The following PAX5 variants were observed in gnomAD, a reference collection of about 807,000 sequenced individuals.
PAX5 encodes paired box 5.
In PAX5, 9 loss-of-function variants were observed where a neutral mutation model predicts 43.7. The observed-to-expected ratio is 0.21, with a 90% CI of 0.12 to 0.36. PAX5 has a LOEUF of 0.36. PAX5 is among the 10% of genes least tolerant of loss of function. PAX5 has a pLI of 1.00. For missense variants in PAX5, 383 were observed against 532.7 expected, an observed-to-expected ratio of 0.72 and a Z score of 2.77; for synonymous variants, 228 against 214.3, an observed-to-expected ratio of 1.06 and a Z score of -0.56.
chr9:36,943,529 T>TTCACACACACACACACACACACACAC (rs35815065), intron 6 of PAX5, among the ~76,000 whole-genome samples: 1 of 145,910 alleles, frequency 6.9e-6, no homozygotes, highest in Non-Finnish European at 1.5e-5. Context: ...TAGTTCAACA[T>TTCACACACACACACACACACACACAC]ACACACACAC....
At chr9:36,867,459 C>T (rs1373422964) in intron 8 of PAX5, among the ~76,000 whole-genome samples, 1 of 152,162 alleles carries the variant, frequency 6.6e-6, no homozygotes, top group Non-Finnish European at 1.5e-5. Flanking sequence ...CAGTTTTCAC[C>T]TCTGTAAAAG....
At chr9:36,887,403 CT>C (rs1016486594) in intron 7 of PAX5, among the ~76,000 whole-genome samples, 5 of 152,108 alleles carry the variant, frequency 3.3e-5, no homozygotes, top group African/African-American at 1.2e-4. Flanking sequence ...CAAATATGGA[CT>C]TTTTATAAAT....
chr9:36,924,833 GAGAGAA>G (rs749072271), intron 6 of PAX5, among the ~76,000 whole-genome samples: 7 of 111,602 alleles, frequency 6.3e-5, no homozygotes, highest in Admixed American at 8.1e-5. Context: ...AGAAGGAAGG[GAGAGAA>G]AGGGAGGGAG....
chr9:36,985,812 G>T (rs924832043), intron 5 of PAX5, among the ~76,000 whole-genome samples: 2 of 152,214 alleles, frequency 1.3e-5, no homozygotes, highest in Admixed American at 1.3e-4. Context: ...ATGCCTTTGT[G>T]TTTGTGCCTT....
chr9:36,842,104 C>T (rs1393714701), intron 9 of PAX5, among the ~76,000 whole-genome samples: 1 of 152,210 alleles, frequency 6.6e-6, no homozygotes, highest in Non-Finnish European at 1.5e-5. Flanking sequence ...CCAGACAGCA[C>T]AAACACCAAC....
chr9:36,886,601 C>G (rs1314303544), intron 7 of PAX5, among the ~76,000 whole-genome samples: 1 of 152,216 alleles, frequency 6.6e-6, no homozygotes, highest in Non-Finnish European at 1.5e-5. Flanking sequence ...AGCTCTAATT[C>G]AAGCCTCTGG....
intron 1 of PAX5, among the ~76,000 whole-genome samples, chr9:37,029,935 G>A (rs1207795690): frequency 6.6e-6 from 1 of 152,182 alleles, no homozygotes; most frequent in East Asian, 1.9e-4. Flanking sequence ...TTTCTCAAAA[G>A]CGCCTCTCCA....
intron 5 of PAX5, among the ~76,000 whole-genome samples, chr9:36,980,999 G>A (rs7033814): frequency 0.096 from 14,591 of 151,872 alleles, 853 homozygotes; most frequent in African/African-American, 0.17. Flanking sequence ...TTCTGCTCCT[G>A]CCACACTCGC....
chr9:37,021,827 A>C (rs1003692006), intron 1 of PAX5, among the ~76,000 whole-genome samples: 1 of 152,240 alleles, frequency 6.6e-6, no homozygotes, highest in East Asian at 1.9e-4. Flanking sequence ...TGAAGACTGG[A>C]GCCCAAAGCC....
At chr9:36,842,931 G>A (rs1822199669) in intron 9 of PAX5, among the ~76,000 whole-genome samples, 1 of 152,188 alleles carries the variant, frequency 6.6e-6, no homozygotes, top group Non-Finnish European at 1.5e-5. Context: ...TCCTGGGAAG[G>A]AGGCTTCAGC....
chr9:36,972,541 G>T (rs1203236652), intron 5 of PAX5, among the ~76,000 whole-genome samples: 1 of 152,110 alleles, frequency 6.6e-6, no homozygotes, highest in Non-Finnish European at 1.5e-5. Context: ...CTTTATAGGG[G>T]ACTCCCTGGC....
In PAX5 at chr9:36,911,057, C is replaced by T. The variant is rs148606690; in HGVS notation, c.910+12298G>A. Reference sequence around the variant, plus strand: ...CATTTAGATCTCAGATCAAACACCACCATTTTACAGAGATCCCCCCAGCTG... The same window carrying T: ...CATTTAGATCTCAGATCAAACACCATCATTTTACAGAGATCCCCCCAGCTG... On this transcript the variant is annotated intron_variant, in intron 7 of 9. Transcript: ENST00000358127. Among the ~76,000 whole-genome samples, 174 of 152,352 alleles carry T rather than the reference C, an allele frequency of 1.1e-3. 2 individuals carry two copies. The highest frequency in any genetic ancestry group is 2.2e-3 in the Admixed American group (33 of 15,302).
chr9:36,962,573 G>A lies in PAX5; in HGVS notation c.780+3976C>T, dbSNP rs867932653. ...AGGTGAGGAGGATCGCTGTCGTCACGTTCGGTTTCGGCTGCTGCAGCTGTT... is the reference window on the plus strand; with the variant it reads ...AGGTGAGGAGGATCGCTGTCGTCACATTCGGTTTCGGCTGCTGCAGCTGTT... On this transcript the variant is annotated intron_variant, in intron 6 of 9. Coordinates refer to ENST00000358127, the MANE Select transcript of PAX5 (RefSeq NM_016734.3). Among the ~76,000 whole-genome samples, 112 of 151,212 alleles carry A rather than the reference G, an allele frequency of 7.4e-4. 1 individual carries two copies. The highest frequency in any genetic ancestry group is 2.3e-3 in the African/African-American group (95 of 41,196).
chr9:36,847,077 G>A, intron 8 of PAX5, 148 bp from the exon 9 acceptor site: 1 of 614,360 alleles, frequency 1.6e-6, no homozygotes, highest in Admixed American at 2.7e-5. Flanking sequence ...AGCAAGTCAG[G>A]TCCACATCAT....
chr9:36,960,484 G>A (rs1053628095), intron 6 of PAX5, among the ~76,000 whole-genome samples: 4 of 152,156 alleles, frequency 2.6e-5, no homozygotes, highest in African/African-American at 9.7e-5. Context: ...GGGGCGTGAT[G>A]GGGATGAAGG....
chr9:37,008,926 T>A (rs1272866868), intron 3 of PAX5, among the ~76,000 whole-genome samples: 1 of 152,224 alleles, frequency 6.6e-6, no homozygotes, highest in African/African-American at 2.4e-5. Context: ...TCTGACCTAA[T>A]GTTTATATTT....
intron 6 of PAX5, among the ~76,000 whole-genome samples, chr9:36,944,175 C>T (rs1832304499): frequency 6.6e-6 from 1 of 152,026 alleles, no homozygotes; most frequent in Non-Finnish European, 1.5e-5. Context: ...CAAAAAGAGA[C>T]GCTGTCTCAA....
chr9:36,966,230 C>T (rs938721658), intron 6 of PAX5, among the ~76,000 whole-genome samples: 8 of 152,204 alleles, frequency 5.3e-5, no homozygotes, highest in Non-Finnish European at 7.3e-5. Context: ...GACCACCTTA[C>T]GTGGCCCGAA....
intron 6 of PAX5, among the ~76,000 whole-genome samples, chr9:36,942,015 T>C (rs1349343932): frequency 6.6e-6 from 1 of 152,266 alleles, no homozygotes; most frequent in Non-Finnish European, 1.5e-5. Flanking sequence ...GATCAAGTGC[T>C]AGTCACTTTG....
Sources: gnomAD v4.1 joint callset for allele counts (sites outside exome capture counted in the v4.1 genomes callset) on GRCh38, gnomAD v4.1.1 for gene constraint, MANE v1.5 for transcripts, NCBI Gene and HGNC (gene_info 2026-07-23, HGNC 2026-07-21) for gene names.